Variants in GRID2 observed in about 807,000 individuals in gnomAD.
The protein encoded by GRID2 is glutamate receptor ionotropic, delta-2.
A neutral mutation model predicts 114.8 loss-of-function variants in GRID2; 33 were observed. The ratio of observed to expected loss-of-function variants is 0.29; its 90% CI spans 0.22 to 0.38. GRID2 has a LOEUF of 0.38. GRID2 is among the 10% of genes least tolerant of loss of function. GRID2 has a pLI of 1.00. For missense variants in GRID2, 1,184 were observed against 1,257.7 expected (o/e 0.94, Z 0.89); for synonymous variants, 505 against 449.9 (o/e 1.12, Z -1.55).
intron 2 of GRID2, among the ~76,000 whole-genome samples, chr4:92,642,574 C>T (rs989087244): frequency 6.6e-6 from 1 of 151,508 alleles, no homozygotes; most frequent in Non-Finnish European, 1.5e-5. Flanking sequence ...TCTCTTGTTC[C>T]GTAGGTTGTC....
intron 4 of GRID2, among the ~76,000 whole-genome samples, chr4:93,154,307 C>A (rs1382190519): frequency 6.6e-6 from 1 of 152,002 alleles, no homozygotes; most frequent in Non-Finnish European, 1.5e-5. Context: ...CCCACCACCA[C>A]CCTAACACCT....
rs954304933 is a variant in GRID2 at position 93,679,720 on chromosome 4, G to T, written c.2360+53285G>T. ...TGAAGGCAGAAATAAAGATGTTCTT[G>T]GAAACCAACGAGAACAAAGACACAA... On this transcript the variant is annotated intron_variant, in intron 14 of 15. Coordinates refer to ENST00000282020, the MANE Select transcript of GRID2 (RefSeq NM_001510.4). 4.1e-4 allele frequency among the ~76,000 whole-genome samples: 62 copies of T among 150,962 alleles called. 4 individuals are homozygous for T. Among genetic ancestry groups the T allele is most frequent in the East Asian group, 5.8e-4 (3 of 5,172 alleles).
At chr4:92,557,192 T>G (rs1006986005) in intron 1 of GRID2, among the ~76,000 whole-genome samples, 5 of 152,040 alleles carry the variant, frequency 3.3e-5, no homozygotes, top group African/African-American at 1.2e-4. Flanking sequence ...TATATATAGC[T>G]TTTACTATTT....
intron 2 of GRID2, among the ~76,000 whole-genome samples, chr4:92,874,056 T>G (rs1201248557): frequency 2.6e-5 from 4 of 152,214 alleles, no homozygotes; most frequent in African/African-American, 9.6e-5. Context: ...AAACTTCTAC[T>G]TCCCCCTATT....
chr4:93,395,012 C>T (rs1009748166), intron 8 of GRID2, among the ~76,000 whole-genome samples: 2 of 151,930 alleles, frequency 1.3e-5, no homozygotes, highest in South Asian at 2.1e-4. Context: ...TGAGTCATTG[C>T]AAGACTTTAA....
At chr4:93,373,344 C>A (rs1046970346) in intron 8 of GRID2, among the ~76,000 whole-genome samples, 12 of 151,822 alleles carry the variant, frequency 7.9e-5, no homozygotes, top group African/African-American at 2.9e-4. Context: ...AAAAAAATAT[C>A]TCTTTAGTTT....
chr4:92,526,085 C>T (rs1725028509), intron 1 of GRID2, among the ~76,000 whole-genome samples: 2 of 151,150 alleles, frequency 1.3e-5, no homozygotes, highest in South Asian at 4.2e-4. Flanking sequence ...AGCTCAGGAA[C>T]AAGTCTCAAA....
intron 2 of GRID2, among the ~76,000 whole-genome samples, chr4:92,985,446 C>T (rs1352514847): frequency 6.6e-6 from 1 of 151,984 alleles, no homozygotes; most frequent in Non-Finnish European, 1.5e-5. Flanking sequence ...ACCGTGTTAG[C>T]CAGGATGGTC....
intron 2 of GRID2, among the ~76,000 whole-genome samples, chr4:92,940,081 A>T (rs1371380048): frequency 6.8e-6 from 1 of 147,040 alleles, no homozygotes; most frequent in African/African-American, 2.4e-5. Flanking sequence ...AATTTAAAGT[A>T]GTTTTTTCCA....
intron 2 of GRID2, among the ~76,000 whole-genome samples, chr4:92,700,981 G>A (rs376598322): frequency 7.3e-4 from 104 of 141,628 alleles, no homozygotes; most frequent in African/African-American, 2.5e-3. Context: ...GCGACAGAGC[G>A]AGACTCCATC....
At chr4:93,511,779 CTTT>C (rs1157223214) in intron 12 of GRID2, among the ~76,000 whole-genome samples, 1 of 137,478 alleles carries the variant, frequency 7.3e-6, no homozygotes. Flanking sequence ...ATTCCTTCTT[CTTT>C]TTTTTTTTTT....
intron 8 of GRID2, among the ~76,000 whole-genome samples, chr4:93,361,114 C>A (rs992066242): frequency 1.3e-5 from 2 of 151,878 alleles, no homozygotes; most frequent in Non-Finnish European, 2.9e-5. Flanking sequence ...GTGGGACATG[C>A]ATAATTACTA....
At chr4:92,997,201 T>C (rs1755254845) in intron 2 of GRID2, among the ~76,000 whole-genome samples, 1 of 152,112 alleles carries the variant, frequency 6.6e-6, no homozygotes, top group South Asian at 2.1e-4. Flanking sequence ...ACAAAATCAT[T>C]ATGTGTCAAG....
At chr4:92,574,413 A>ATT (rs58296126) in intron 1 of GRID2, among the ~76,000 whole-genome samples, 98 of 112,376 alleles carry the variant, frequency 8.7e-4, no homozygotes, top group African/African-American at 2.9e-3. Flanking sequence ...GTACTTTAGT[A>ATT]TTTTTTTTTT....
At chr4:92,491,414 G>T (rs1723141441) in intron 1 of GRID2, among the ~76,000 whole-genome samples, 1 of 152,028 alleles carries the variant, frequency 6.6e-6, no homozygotes, top group Non-Finnish European at 1.5e-5. Flanking sequence ...TCTAACATAA[G>T]CCTTCTTGTG....
chr4:93,480,879 A>C (rs537009039), intron 11 of GRID2, among the ~76,000 whole-genome samples: 30 of 152,162 alleles, frequency 2.0e-4, no homozygotes, highest in Admixed American at 1.6e-3. Context: ...GAACAGATTC[A>C]TTCCAACATT....
chr4:92,887,427 G>A (rs902356112), intron 2 of GRID2, among the ~76,000 whole-genome samples: 1 of 152,188 alleles, frequency 6.6e-6, no homozygotes, highest in Non-Finnish European at 1.5e-5. Flanking sequence ...GCAGGTCAGA[G>A]AAGTTCCTTT....
At chr4:92,822,350 T>A (rs1741348775) in intron 2 of GRID2, 1 of 627,024 alleles carries the variant, frequency 1.6e-6, no homozygotes, top group Admixed American at 1.9e-5. Flanking sequence ...AGTGTTCAGA[T>A]GGACTGTGTG....
intron 2 of GRID2, among the ~76,000 whole-genome samples, chr4:92,797,400 C>G (rs77132448): frequency 0.023 from 3,479 of 152,056 alleles, 98 homozygotes; most frequent in East Asian, 0.12. Context: ...AATTGTGATA[C>G]TAGCACATTA....
Sources: allele counts gnomAD v4.1 joint callset (sites outside exome capture counted in the v4.1 genomes callset), GRCh38; gene constraint gnomAD v4.1.1; transcripts MANE v1.5; gene names NCBI Gene and HGNC (gene_info 2026-07-23, HGNC 2026-07-21).